Variants in BTRC observed in about 807,000 individuals in gnomAD.
The protein encoded by BTRC is beta-transducin repeat containing E3 ubiquitin protein ligase, also known as F-box/WD repeat-containing protein 1A.
Under a neutral mutation model 85.5 loss-of-function variants are expected in BTRC, and 42 were observed. That is an observed-to-expected ratio of 0.49 (90% CI 0.38 to 0.64). The LOEUF is 0.64. Among genes scored for constraint, BTRC ranks in the 30% least tolerant of loss-of-function variants. The pLI is 0.00. For synonymous variants in BTRC, 255 were observed against 263.3 expected (o/e 0.97, Z 0.30); for missense variants, 594 against 743.5 (o/e 0.80, Z 2.34).
intron 1 of BTRC, among the ~76,000 whole-genome samples, chr10:101,413,103 G>A (rs867663745): frequency 1.3e-5 from 2 of 152,036 alleles, no homozygotes; most frequent in African/African-American, 4.8e-5. Flanking sequence ...CATAAATGAG[G>A]GAAGTGGTTT....
rs532677533 is a variant in BTRC at position 101,453,626 on chromosome 10, A to G, written c.157-8355A>G. 1.3e-3 allele frequency: 196 copies of G among 152,314 alleles called. 1 individual carries two copies. The highest frequency in any genetic ancestry group is 4.5e-3 in the African/African-American group (187 of 41,564). 9.4% of individuals were successfully genotyped at this position (152,314 alleles called of 1,614,324 possible). A position where few individuals can be genotyped will look rare whatever the true frequency, so the allele number is the denominator to read the frequency against. ...AGTTTAATTTTTTATTTGATTATAT[A>G]ATCAACTCTTAATTATCCATTTTAT... is the stretch of plus-strand genomic sequence containing the variant. On this transcript the variant is annotated intron_variant, in intron 2 of 14. Coordinates refer to ENST00000370187, the MANE Select transcript of BTRC (RefSeq NM_033637.4).
rs747307086 is a variant in BTRC, at chr10:101,521,675, C to T, written c.361C>T (p.Pro121Ser). Reference protein sequence around the residue: ...LANGTSSMIVPKQRKLSASYE... With the variant: ...LANGTSSMIVSKQRKLSASYE... ...CAATGGCACTTCCAGTATGATTGTG[C>T]CCAAGCAACGGAAACTCTCAGCAAG... The change falls in exon 5 of 15, where the codon CCC becomes TCC. Residue 121 changes from proline to serine, a missense_variant. Pro to Ser is a moderately conservative substitution (Grantham distance 74, BLOSUM62 -1). Around this residue, in one of 4 missense-constraint regions of BTRC, gnomAD observed 163 missense variants for 180.5 expected, o/e 0.90. Transcript: ENST00000370187. 2.5e-5 allele frequency: 40 copies of T among 1,613,980 alleles called. No individual in the cohort carries two copies. Among genetic ancestry groups the T allele is most frequent in the Non-Finnish European group, 3.3e-5 (39 of 1,180,010 alleles).
intron 1 of BTRC, among the ~76,000 whole-genome samples, chr10:101,367,172 G>C (rs113879352): frequency 6.9e-6 from 1 of 145,542 alleles, no homozygotes; most frequent in Non-Finnish European, 1.5e-5. Context: ...CCAGGTTCAA[G>C]CCATTCTCCT....
rs1942415581 is a variant in BTRC, at chr10:101,366,860, TTATATATTAA to T, written c.48+12641_48+12650del. On this transcript the variant is annotated intron_variant, in intron 1 of 14. Transcript: ENST00000370187. ...TATATTTATGTATATTAATATATAT[TTATATATTAA>T]TATATATTTATATATATTTATATAT... Among the ~76,000 whole-genome samples the T allele has an allele frequency of 1.2e-4, 3 of 25,412 alleles. 1 individual carries two copies. The highest frequency in any genetic ancestry group is 1.9e-3 in the South Asian group (2 of 1,060). 16.7% of individuals were successfully genotyped at this position (25,412 alleles called of 152,430 possible).
intron 1 of BTRC, among the ~76,000 whole-genome samples, chr10:101,371,169 TTTTTTG>T (rs1353027954): frequency 6.8e-6 from 1 of 146,410 alleles, no homozygotes; most frequent in Non-Finnish European, 1.5e-5. Flanking sequence ...CTATTCTTTT[TTTTTTG>T]TTTGTTTGGT....
chr10:101,493,355 G>A (rs1040406122), intron 4 of BTRC, among the ~76,000 whole-genome samples: 6 of 152,196 alleles, frequency 3.9e-5, no homozygotes, highest in African/African-American at 1.4e-4. Context: ...CATTTTCACT[G>A]AAATCATCAC....
Position 101,521,307 on chromosome 10 carries a change from G to A in BTRC, c.325-332G>A, listed in dbSNP as rs75882713. On this transcript the variant is annotated intron_variant, in intron 4 of 14. Transcript: ENST00000370187. ...GTTGTGAGCAAGTAATTGTATAAAT[G>A]TCCAACAACTGTTGTATACAAGAAA... Among the ~76,000 whole-genome samples, 1,341 of 152,320 alleles carry A rather than the reference G, an allele frequency of 8.8e-3. 24 individuals are homozygous for A. The highest frequency in any genetic ancestry group is 0.03 in the African/African-American group (1,261 of 41,570).
At chr10:101,440,051 A>T (rs2134107962) in intron 2 of BTRC, among the ~76,000 whole-genome samples, 2 of 152,362 alleles carry the variant, frequency 1.3e-5, no homozygotes, top group South Asian at 4.1e-4. Context: ...TAATGTGGAA[A>T]ATGTGTATTT....
intron 4 of BTRC, among the ~76,000 whole-genome samples, chr10:101,515,065 C>T (rs1006623470): frequency 1.3e-5 from 2 of 152,052 alleles, no homozygotes; most frequent in Admixed American, 1.3e-4. Context: ...AAGCAATGCT[C>T]CTGCCTCAGC....
chr10:101,422,951 G>A (rs954948951), intron 1 of BTRC, among the ~76,000 whole-genome samples: 2 of 152,260 alleles, frequency 1.3e-5, no homozygotes, highest in African/African-American at 4.8e-5. Flanking sequence ...TGGCAATGCG[G>A]GCTCTTTTTT....
chr10:101,362,604 A>G (rs1228434649), intron 1 of BTRC, among the ~76,000 whole-genome samples: 2 of 151,178 alleles, frequency 1.3e-5, no homozygotes, highest in African/African-American at 4.9e-5. Flanking sequence ...CATGTTGGTC[A>G]GGCTGGTCTT....
chr10:101,371,384 C>T (rs1195300590), intron 1 of BTRC, among the ~76,000 whole-genome samples: 3 of 152,186 alleles, frequency 2.0e-5, no homozygotes, highest in Non-Finnish European at 4.4e-5. Flanking sequence ...ACCATGTTGG[C>T]CAGGCTGGTC....
chr10:101,395,560 CAAATTGTT>C (rs1311604542), intron 1 of BTRC, among the ~76,000 whole-genome samples: 4 of 152,200 alleles, frequency 2.6e-5, no homozygotes, highest in Admixed American at 2.0e-4. Flanking sequence ...GGCTAAAATA[CAAATTGTT>C]AAATTGTTAT....
At chr10:101,453,405 A>G (rs988937026) in intron 2 of BTRC, 9 of 152,192 alleles carry the variant, frequency 5.9e-5, no homozygotes, top group Admixed American at 1.3e-4. Context: ...AAATCCTCCA[A>G]TGGTAAATTA....
intron 1 of BTRC, among the ~76,000 whole-genome samples, chr10:101,394,177 AGGG>A (rs762314545): frequency 1.3e-5 from 2 of 152,202 alleles, no homozygotes; most frequent in Non-Finnish European, 1.5e-5. Context: ...TTATGAAAGA[AGGG>A]GACTCTGGTA....
intron 1 of BTRC, among the ~76,000 whole-genome samples, chr10:101,428,244 G>A (rs1291686468): frequency 6.6e-6 from 1 of 152,148 alleles, no homozygotes; most frequent in Non-Finnish European, 1.5e-5. Context: ...GAGTGCCAGG[G>A]CCAATTAGAA....
At chr10:101,357,358 T>G in intron 1 of BTRC, among the ~76,000 whole-genome samples, 1 of 145,028 alleles carries the variant, frequency 6.9e-6, no homozygotes, top group East Asian at 2.0e-4. Context: ...GTAGAATCAC[T>G]TGAACCCAGG....
intron 1 of BTRC, among the ~76,000 whole-genome samples, chr10:101,400,226 TTTC>T (rs1253000702): frequency 3.9e-5 from 6 of 152,196 alleles, no homozygotes; most frequent in African/African-American, 9.6e-5. Flanking sequence ...TGAAAATGAG[TTTC>T]TTCTTTGTGC....
intron 2 of BTRC, among the ~76,000 whole-genome samples, chr10:101,449,973 C>A (rs551816516): frequency 1.0e-4 from 15 of 147,098 alleles, no homozygotes; most frequent in Admixed American, 6.2e-4. Flanking sequence ...TAATTGCATT[C>A]GTACATTAAG....
Sources: gnomAD v4.1 joint callset for allele counts (sites outside exome capture counted in the v4.1 genomes callset) on GRCh38, gnomAD v4.1.1 for gene constraint, gnomAD v4.1.1 regional missense constraint, MANE v1.5 for transcripts, NCBI Gene and HGNC (gene_info 2026-07-23, HGNC 2026-07-21) for gene names.